Variants in GRID1 observed in about 807,000 individuals in gnomAD.
The protein encoded by GRID1 is glutamate ionotropic receptor delta type subunit 1.
GRID1 carries 28 observed loss-of-function variants against 98.0 expected under a neutral mutation model. That is an observed-to-expected ratio of 0.29 (90% CI 0.21 to 0.39). The LOEUF is 0.39. Among genes scored for constraint, GRID1 ranks in the 10% least tolerant of loss-of-function variants. GRID1 has a pLI of 1.00. For missense variants in GRID1, 1,111 were observed against 1,340.5 expected (o/e 0.83, Z 2.67); for synonymous variants, 553 against 538.5 (o/e 1.03, Z -0.37).
intron 3 of GRID1, among the ~76,000 whole-genome samples, chr10:86,152,696 G>T (rs1201416826): frequency 6.6e-6 from 1 of 152,202 alleles, no homozygotes; most frequent in Non-Finnish European, 1.5e-5. Context: ...GCAGAGTGAG[G>T]CTGTCTAGGG....
intron 8 of GRID1, among the ~76,000 whole-genome samples, chr10:85,748,372 C>T (rs986239000): frequency 1.3e-5 from 2 of 152,272 alleles, no homozygotes; most frequent in South Asian, 2.1e-4. Context: ...CTATGTTTCA[C>T]TGTCATCCCC....
intron 5 of GRID1, among the ~76,000 whole-genome samples, chr10:85,897,300 C>T (rs1021593450): frequency 6.6e-6 from 1 of 152,184 alleles, no homozygotes; most frequent in African/African-American, 2.4e-5. Context: ...TTATGCTCTT[C>T]TTTCTCCCAA....
At chr10:85,671,464 C>T (rs1162642839) in intron 12 of GRID1, among the ~76,000 whole-genome samples, 2 of 152,100 alleles carry the variant, frequency 1.3e-5, no homozygotes, top group Non-Finnish European at 2.9e-5. Flanking sequence ...TTGGGGGCCA[C>T]AAACTGCCCT....
rs66947723 is a variant in GRID1, at chr10:85,737,645, GATATATATAT to G, written c.1234-8041_1234-8032del. On this transcript the variant is annotated intron_variant, in intron 8 of 15. Transcript: ENST00000327946. ...TTGAACAACAACAACAGTAAAGCCAGATATATATATATATATATATATATATATAAACATA... is the reference window on the plus strand; with the variant it reads ...TTGAACAACAACAACAGTAAAGCCAGATATATATATATATATATAAACATA... 1.1e-3 allele frequency among the ~76,000 whole-genome samples: 105 copies of G among 95,686 alleles called. 2 individuals carry two copies. Among genetic ancestry groups the G allele is most frequent in the African/African-American group, 4.0e-3 (101 of 25,130 alleles). 62.8% of individuals were successfully genotyped at this position (95,686 alleles called of 152,430 possible).
intron 2 of GRID1, among the ~76,000 whole-genome samples, chr10:86,265,791 C>T (rs753271630): frequency 6.6e-6 from 1 of 152,190 alleles, no homozygotes; most frequent in Non-Finnish European, 1.5e-5. Flanking sequence ...CCTGGTTAGG[C>T]ATCAAACGAA....
chr10:86,193,833 C>G (rs1845837933), intron 3 of GRID1, among the ~76,000 whole-genome samples: 1 of 151,972 alleles, frequency 6.6e-6, no homozygotes, highest in African/African-American at 2.4e-5. Flanking sequence ...CCAGCCCTCA[C>G]CACCTCCCTC....
chr10:85,876,539 A>G (rs1358522093), intron 5 of GRID1, among the ~76,000 whole-genome samples: 1 of 152,232 alleles, frequency 6.6e-6, no homozygotes, highest in Non-Finnish European at 1.5e-5. Context: ...AGGTAATACT[A>G]ACAGGTTCTA....
chr10:85,671,409 C>T (rs1000721865), intron 12 of GRID1, among the ~76,000 whole-genome samples: 1 of 152,058 alleles, frequency 6.6e-6, no homozygotes, highest in African/African-American at 2.4e-5. Flanking sequence ...ATATCTGTTA[C>T]AGTGATCTAT....
chr10:85,944,791 T>C (rs1842034981), intron 4 of GRID1, among the ~76,000 whole-genome samples: 1 of 151,552 alleles, frequency 6.6e-6, no homozygotes, highest in South Asian at 2.1e-4. Context: ...CATTTACTAA[T>C]TTGGAAAGAT....
intron 4 of GRID1, among the ~76,000 whole-genome samples, chr10:86,083,393 T>C (rs1177655429): frequency 6.6e-6 from 1 of 152,134 alleles, no homozygotes; most frequent in Non-Finnish European, 1.5e-5. Flanking sequence ...TGTGCTGCTG[T>C]AGAACAGCAG....
At chr10:85,872,230 G>C (rs1843285524) in intron 5 of GRID1, among the ~76,000 whole-genome samples, 1 of 152,140 alleles carries the variant, frequency 6.6e-6, no homozygotes, top group African/African-American at 2.4e-5. Flanking sequence ...AGGTTAGTTA[G>C]TTTTACCTGA....
At chr10:85,797,077 A>G (rs907581606) in intron 8 of GRID1, among the ~76,000 whole-genome samples, 2 of 152,216 alleles carry the variant, frequency 1.3e-5, no homozygotes, top group Non-Finnish European at 2.9e-5. Flanking sequence ...CCCAAATGGA[A>G]AGGATAAAGT....
At chr10:85,845,159 C>T (rs1387288271) in intron 8 of GRID1, among the ~76,000 whole-genome samples, 1 of 151,486 alleles carries the variant, frequency 6.6e-6, no homozygotes, top group African/African-American at 2.4e-5. Context: ...TTTTATTAGT[C>T]ATAGATGACA....
At chr10:85,834,050 G>C (rs902504855) in intron 8 of GRID1, among the ~76,000 whole-genome samples, 1 of 152,166 alleles carries the variant, frequency 6.6e-6, no homozygotes, top group African/African-American at 2.4e-5. Context: ...CGAAGAGAAA[G>C]AGACTGAGGC....
chr10:85,865,603 A>G (rs936875680), intron 6 of GRID1, among the ~76,000 whole-genome samples: 5 of 152,080 alleles, frequency 3.3e-5, no homozygotes, highest in African/African-American at 9.7e-5. Flanking sequence ...ATAATCCATG[A>G]CATAATTTTT....
chr10:86,322,620 A>C (rs1283833356), intron 2 of GRID1, among the ~76,000 whole-genome samples: 1 of 151,950 alleles, frequency 6.6e-6, no homozygotes, highest in African/African-American at 2.4e-5. Flanking sequence ...CAAGTTGGCC[A>C]GGCTGGTCTC....
chr10:85,798,120 T>C (rs1269561951), intron 8 of GRID1, among the ~76,000 whole-genome samples: 1 of 152,226 alleles, frequency 6.6e-6, no homozygotes, highest in African/African-American at 2.4e-5. Flanking sequence ...CCTTTGCGTA[T>C]ATACCCAGCA....
chr10:86,326,121 G>A (rs1848047113), intron 2 of GRID1, among the ~76,000 whole-genome samples: 1 of 152,188 alleles, frequency 6.6e-6, no homozygotes. Flanking sequence ...CTAAAAGAAA[G>A]CTCATTTGTA....
intron 2 of GRID1, among the ~76,000 whole-genome samples, chr10:86,243,977 G>A (rs1377026572): frequency 1.3e-5 from 2 of 152,194 alleles, no homozygotes; most frequent in Non-Finnish European, 2.9e-5. Flanking sequence ...GCACACACGT[G>A]TGCTTGTGTG....
Sources: gnomAD v4.1 joint callset for allele counts (sites outside exome capture counted in the v4.1 genomes callset) on GRCh38, gnomAD v4.1.1 for gene constraint, MANE v1.5 for transcripts, NCBI Gene and HGNC (gene_info 2026-07-23, HGNC 2026-07-21) for gene names.